PCNX1: variants seen among roughly 807,000 people sequenced by gnomAD.
PCNX1 encodes pecanex 1, also known as pecanex-like protein 1.
In PCNX1, 78 loss-of-function variants were observed where a neutral mutation model predicts 242.2. That is an observed-to-expected ratio of 0.32 (90% CI 0.27 to 0.39). PCNX1 has a LOEUF of 0.39. Among genes scored for constraint, PCNX1 ranks in the 10% least tolerant of loss-of-function variants. PCNX1 has a pLI of 1.00. For synonymous variants in PCNX1, 1,024 were observed against 1,032.9 expected (o/e 0.99, Z 0.17); for missense variants, 2,581 against 2,856.5 (o/e 0.90, Z 2.20).
chr14:70,956,861 A>G (rs1482202221), intron 2 of PCNX1, among the ~76,000 whole-genome samples: 3 of 152,170 alleles, frequency 2.0e-5, no homozygotes, highest in African/African-American at 7.2e-5. Flanking sequence ...TTCAACAGTA[A>G]GAGGAGAATA....
At chr14:71,012,646 A>G (rs1162171077) in intron 10 of PCNX1, 1 of 303,006 alleles carries the variant, frequency 3.3e-6, no homozygotes, top group Non-Finnish European at 6.3e-6. Context: ...CCTGGCCAAG[A>G]TGGTAAAATC....
chr14:70,995,848 G>C lies in PCNX1; in HGVS notation c.2552G>C (p.Arg851Thr). ...AGTGCTAGTGCCTCCTTGCTGGTGA[G>C]AAATGGGAGTGTCCACTTAGAAGCA... ...VLSASASLLVRNGSVHLEASH... is the reference protein window; with the variant it reads ...VLSASASLLVTNGSVHLEASH... The change falls in exon 8 of 36, where the codon AGA becomes ACA. Residue 851 changes from arginine (R) to threonine (T), a missense_variant. Arg to Thr is a moderately conservative substitution (Grantham distance 71). Coordinates refer to ENST00000304743, the MANE Select transcript of PCNX1 (RefSeq NM_014982.3). 6.2e-7 allele frequency: 1 copy of C among 1,614,068 alleles called. No homozygotes were observed. Among genetic ancestry groups the C allele is most frequent in the Non-Finnish European group, 8.5e-7 (1 of 1,179,942 alleles).
At chr14:70,919,036 A>G (rs2056263104) in intron 1 of PCNX1, among the ~76,000 whole-genome samples, 1 of 151,864 alleles carries the variant, frequency 6.6e-6, no homozygotes, top group Non-Finnish European at 1.5e-5. Flanking sequence ...CTGTGCCACC[A>G]CAACTAGCTA....
chr14:70,937,076 T>C (rs1397576377), intron 1 of PCNX1, among the ~76,000 whole-genome samples: 2 of 152,204 alleles, frequency 1.3e-5, no homozygotes, highest in East Asian at 3.8e-4. Flanking sequence ...TCTCCCGTTC[T>C]GTAGGTTGCC....
chr14:70,998,099 A>G (rs535434209), intron 8 of PCNX1, among the ~76,000 whole-genome samples: 1 of 152,322 alleles, frequency 6.6e-6, no homozygotes, highest in South Asian at 2.1e-4. Flanking sequence ...ATGTTTGTGT[A>G]TGTACATGTA....
chr14:71,043,458 A>G (rs2060769064), intron 19 of PCNX1, among the ~76,000 whole-genome samples: 1 of 151,980 alleles, frequency 6.6e-6, no homozygotes, highest in Admixed American at 6.6e-5. Flanking sequence ...GCACTGTCAC[A>G]TATATCATGT....
intron 13 of PCNX1, among the ~76,000 whole-genome samples, chr14:71,025,562 T>C (rs1020093295): frequency 6.6e-6 from 1 of 152,248 alleles, no homozygotes; most frequent in South Asian, 2.1e-4. Flanking sequence ...TATGTACATA[T>C]ATACACACGT....
At chr14:71,103,823 G>C (rs1480996408) in intron 32 of PCNX1, among the ~76,000 whole-genome samples, 154 bp downstream of exon 32, 5 of 152,098 alleles carry the variant, frequency 3.3e-5, no homozygotes, top group South Asian at 2.1e-4. Flanking sequence ...TAGAATCTGA[G>C]CATTCTTATC....
intron 30 of PCNX1, 72 bp from the exon 31 acceptor site, chr14:71,101,918 C>A: frequency 2.6e-6 from 2 of 771,732 alleles, no homozygotes; most frequent in Non-Finnish European, 4.0e-6. Flanking sequence ...TAAGAACTTT[C>A]ACTTAGTAAC....
At chr14:70,938,264 G>A (rs1433012866) in intron 1 of PCNX1, among the ~76,000 whole-genome samples, 10 of 152,212 alleles carry the variant, frequency 6.6e-5, no homozygotes, top group African/African-American at 2.4e-4. Context: ...TATTGGCTGT[G>A]GGTTTGTCAT....
chr14:71,075,865 G>A (rs980866924), intron 27 of PCNX1, among the ~76,000 whole-genome samples: 3 of 151,956 alleles, frequency 2.0e-5, no homozygotes, highest in East Asian at 1.9e-4. Flanking sequence ...TAGCATGGGC[G>A]ACAGAGTAAG....
chr14:71,010,217 C>T (rs1207255637), intron 9 of PCNX1, among the ~76,000 whole-genome samples: 1 of 152,060 alleles, frequency 6.6e-6, no homozygotes, highest in African/African-American at 2.4e-5. Flanking sequence ...GAAGATCTTA[C>T]AGTGGCACAG....
At chr14:71,028,617 A>G in intron 15 of PCNX1, 83 bp from the exon 16 acceptor site, 1 of 765,976 alleles carries the variant, frequency 1.3e-6, no homozygotes, top group East Asian at 2.9e-5. Flanking sequence ...ACATTATAAT[A>G]TTTTAAATGC....
chr14:71,020,247 G>T (rs2060065005), intron 12 of PCNX1, among the ~76,000 whole-genome samples: 1 of 152,184 alleles, frequency 6.6e-6, no homozygotes, highest in Admixed American at 6.5e-5. Context: ...AAACATACGT[G>T]TGCATGTGTC....
intron 27 of PCNX1, among the ~76,000 whole-genome samples, chr14:71,074,624 G>A (rs1566777983): frequency 2.0e-5 from 3 of 152,234 alleles, no homozygotes; most frequent in Non-Finnish European, 1.5e-5. Context: ...CTCGAGCTTG[G>A]TGTCCTGTCA....
intron 1 of PCNX1, among the ~76,000 whole-genome samples, chr14:70,932,774 G>A (rs1193654604): frequency 2.6e-5 from 4 of 151,846 alleles, no homozygotes; most frequent in Admixed American, 2.0e-4. Flanking sequence ...CACCATGCCC[G>A]GCTAATTTTG....
chr14:70,979,604 A>T (rs2058777338), intron 6 of PCNX1, among the ~76,000 whole-genome samples: 1 of 152,108 alleles, frequency 6.6e-6, no homozygotes, highest in South Asian at 2.1e-4. Context: ...TTAGTTTTAA[A>T]GTTATAGTCT....
intron 1 of PCNX1, among the ~76,000 whole-genome samples, chr14:70,924,340 G>A (rs766379808): frequency 6.6e-6 from 1 of 151,694 alleles, no homozygotes; most frequent in Non-Finnish European, 1.5e-5. Context: ...AAGTCTCAAA[G>A]ATAGTGCAGA....
chr14:70,995,171 T>A (rs2059311503), intron 7 of PCNX1, among the ~76,000 whole-genome samples: 1 of 152,218 alleles, frequency 6.6e-6, no homozygotes, highest in Non-Finnish European at 1.5e-5. Context: ...ATTTCATTGG[T>A]TGAGTCAGTT....
Sources: gnomAD v4.1 joint callset for allele counts (sites outside exome capture counted in the v4.1 genomes callset) on GRCh38, gnomAD v4.1.1 for gene constraint, MANE v1.5 for transcripts, NCBI Gene and HGNC (gene_info 2026-07-23, HGNC 2026-07-21) for gene names.